HIVEP1: variants seen among roughly 807,000 people sequenced by gnomAD.
HIVEP1 encodes the protein HIVEP zinc finger 1.
In HIVEP1, 36 loss-of-function variants were observed where a neutral mutation model predicts 180.0. The observed-to-expected ratio is 0.20, with a 90% CI of 0.15 to 0.26. The LOEUF is 0.26. HIVEP1 is among the 10% of genes least tolerant of loss of function. HIVEP1 has a pLI of 1.00. For missense variants in HIVEP1, 3,143 were observed against 3,268.7 expected, an observed-to-expected ratio of 0.96 and a Z score of 0.94; for synonymous variants, 1,239 against 1,239.0, an observed-to-expected ratio of 1.00 and a Z score of 0.00.
chr6:12,145,070 C>T (rs1268788853), intron 7 of HIVEP1, among the ~76,000 whole-genome samples: 2 of 151,968 alleles, frequency 1.3e-5, no homozygotes, highest in Admixed American at 6.6e-5. Context: ...CACATGCACA[C>T]GTATGTTTAT....
intron 7 of HIVEP1, among the ~76,000 whole-genome samples, chr6:12,142,499 C>G (rs1400291594): frequency 6.6e-6 from 1 of 152,054 alleles, no homozygotes; most frequent in Non-Finnish European, 1.5e-5. Context: ...CAAACAAATT[C>G]AAAAGCCAGC....
intron 2 of HIVEP1, among the ~76,000 whole-genome samples, chr6:12,034,426 A>G (rs1224460371): frequency 6.6e-6 from 1 of 152,242 alleles, no homozygotes; most frequent in Non-Finnish European, 1.5e-5. Flanking sequence ...TTTGATAAAT[A>G]GCCCTGCAAG....
At chr6:12,037,253 A>G (rs1769338390) in intron 2 of HIVEP1, among the ~76,000 whole-genome samples, 1 of 152,108 alleles carries the variant, frequency 6.6e-6, no homozygotes. Context: ...AAAGTTCAGT[A>G]TGTATTATTT....
chr6:12,021,721 A>G (rs1056029895), intron 2 of HIVEP1, among the ~76,000 whole-genome samples: 3 of 152,182 alleles, frequency 2.0e-5, no homozygotes, highest in Non-Finnish European at 4.4e-5. Context: ...GCTGGAGTGC[A>G]GTAGTGCTGT....
chr6:12,164,926 G>T lies in HIVEP1; in HGVS notation c.*465G>T, dbSNP rs1173549760. The T allele has an allele frequency of 3.2e-6, 1 of 310,958 alleles. No individual in the cohort carries two copies. The highest frequency in any genetic ancestry group is 6.3e-6 in the Non-Finnish European group (1 of 159,910). The allele number at this position is 310,958 out of a possible 1,614,324, so 19.3% of individuals were successfully genotyped here. On this transcript the variant is annotated 3_prime_UTR_variant, in exon 9 of 9. Transcript: ENST00000379388. ...AAATGGGTCTGTCCTCCTTGTGTAA[G>T]ACAGTAACTTTACACTTCAGACAGA...
chr6:12,122,202 A>G lies in HIVEP1; in HGVS notation c.2407A>G (p.Thr803Ala), dbSNP rs758544248. Reference sequence around the variant, plus strand: ...TGATTTAAAACCAGTGGGACGGAGAACAAGTTCAAGCTCTGATATACCGAA... The same window carrying G: ...TGATTTAAAACCAGTGGGACGGAGAGCAAGTTCAAGCTCTGATATACCGAA... ...QFDLKPVGRRTSSSSDIPKSP... is the reference protein window; with the variant it reads ...QFDLKPVGRRASSSSDIPKSP... The change falls in exon 4 of 9, where the codon ACA (threonine) becomes GCA (alanine). Residue 803 changes from threonine (T) to alanine (A), a missense_variant. This residue lies in a region of HIVEP1 where 204 missense variants were observed against 243.7 expected (regional missense o/e 0.84). Coordinates refer to ENST00000379388, the MANE Select transcript of HIVEP1 (RefSeq NM_002114.4). 6 of 1,614,116 alleles carry G rather than the reference A, an allele frequency of 3.7e-6. No homozygotes were observed. In the East Asian group the frequency reaches 8.9e-5, roughly 24 times the overall value.
At chr6:12,103,550 A>T (rs1402649471) in intron 3 of HIVEP1, among the ~76,000 whole-genome samples, 3 of 151,626 alleles carry the variant, frequency 2.0e-5, no homozygotes, top group Admixed American at 2.0e-4. Flanking sequence ...TGTGCCACAC[A>T]TGGAGACTTA....
intron 2 of HIVEP1, among the ~76,000 whole-genome samples, chr6:12,043,074 G>C (rs1052280828): frequency 1.3e-5 from 2 of 152,162 alleles, no homozygotes; most frequent in Admixed American, 6.5e-5. Context: ...CTCCTGGCCT[G>C]ATCCACTAAT....
rs765319377 is a variant in HIVEP1, at chr6:12,125,815, A to C, written c.6020A>C (p.His2007Pro). The C allele has an allele frequency of 2.4e-5, 38 of 1,613,436 alleles. No homozygotes were observed. Among genetic ancestry groups the C allele is most frequent in the Non-Finnish European group, 3.2e-5 (38 of 1,179,784 alleles). ...CTATACTGTCAAGCAATAACTACCC[A>C]TTCCAAGTCAGACTTATTGGTCTAT... ...KSLYCQAITT[H>P]SKSDLLVYSS... is the part of the protein sequence containing the mutation. The change falls in exon 4 of 9, where the codon CAT becomes CCT. Residue 2007 changes from histidine (H) to proline (P), a missense_variant. His to Pro is a moderately conservative substitution (Grantham distance 77). Coordinates refer to ENST00000379388, the MANE Select transcript of HIVEP1 (RefSeq NM_002114.4).
At chr6:12,157,602 A>G (rs1442273502) in intron 7 of HIVEP1, among the ~76,000 whole-genome samples, 1 of 152,144 alleles carries the variant, frequency 6.6e-6, no homozygotes, top group Non-Finnish European at 1.5e-5. Flanking sequence ...ACCTTTTTAC[A>G]TTTACATCTA....
At chr6:12,052,927 T>G (rs1052988575) in intron 2 of HIVEP1, among the ~76,000 whole-genome samples, 2 of 152,232 alleles carry the variant, frequency 1.3e-5, no homozygotes, top group Non-Finnish European at 2.9e-5. Flanking sequence ...TTTTGGAGAC[T>G]TGTAGCAAAT....
At chr6:12,095,441 CT>C (rs1398918143) in intron 3 of HIVEP1, among the ~76,000 whole-genome samples, 2 of 151,448 alleles carry the variant, frequency 1.3e-5, no homozygotes, top group African/African-American at 4.8e-5. Flanking sequence ...TAGTTTCATT[CT>C]TTTCTATGCT....
At chr6:12,045,403 C>A (rs1007023385) in intron 2 of HIVEP1, among the ~76,000 whole-genome samples, 4 of 152,158 alleles carry the variant, frequency 2.6e-5, no homozygotes, top group Non-Finnish European at 4.4e-5. Flanking sequence ...CATGCCAGGG[C>A]AGATGTATTT....
chr6:12,148,083 C>A (rs1016644699), intron 7 of HIVEP1, among the ~76,000 whole-genome samples: 1 of 152,102 alleles, frequency 6.6e-6, no homozygotes, highest in African/African-American at 2.4e-5. Flanking sequence ...ATTTTATTTT[C>A]CAAAGAAAAA....
chr6:12,200,300 G>T, the HIVEP1 span, among the ~76,000 whole-genome samples: 1 of 152,144 alleles, frequency 6.6e-6, no homozygotes, highest in Admixed American at 6.5e-5. Flanking sequence ...TGCATAAACT[G>T]CCCCTTAATC....
At chr6:12,135,938 C>T (rs1432394129) in intron 7 of HIVEP1, 46 bp downstream of exon 7, 11 of 1,322,086 alleles carry the variant, frequency 8.3e-6, no homozygotes, top group Admixed American at 7.2e-5. Context: ...TTATAATGTA[C>T]AATTTTTTTG....
In HIVEP1 at chr6:12,055,214, C is replaced by G. The variant is rs919847902; in HGVS notation, c.41-33970C>G. ...AAATCATGATTTTCAGTGGCTCACG[C>G]CTGTAATCCCATCACTTTGGGAGGC... On this transcript the variant is annotated intron_variant, in intron 2 of 8. Transcript: ENST00000379388. 2.6e-5 allele frequency among the ~76,000 whole-genome samples: 4 copies of G among 152,220 alleles called. No homozygotes were observed. In the East Asian group the frequency reaches 7.7e-4, roughly 29 times the overall value.
At chr6:12,146,197 C>G (rs1285710736) in intron 7 of HIVEP1, among the ~76,000 whole-genome samples, 1 of 152,218 alleles carries the variant, frequency 6.6e-6, no homozygotes, top group Non-Finnish European at 1.5e-5. Flanking sequence ...AATCCCAGCA[C>G]TTTGGGAGGC....
At chr6:12,089,653 A>G (rs1274584376) in intron 3 of HIVEP1, among the ~76,000 whole-genome samples, 2 of 152,036 alleles carry the variant, frequency 1.3e-5, no homozygotes, top group African/African-American at 4.8e-5. Context: ...AACAGCCTGA[A>G]TACCAGTCAG....
Sources: allele counts gnomAD v4.1 joint callset (sites outside exome capture counted in the v4.1 genomes callset), GRCh38; gene constraint gnomAD v4.1.1; regional missense constraint gnomAD v4.1.1; transcripts MANE v1.5; gene names NCBI Gene and HGNC (gene_info 2026-07-23, HGNC 2026-07-21).